NETO1: variants seen among roughly 807,000 people sequenced by gnomAD.
The protein encoded by NETO1 is neuropilin and tolloid like 1.
In NETO1, 26 loss-of-function variants were observed where a neutral mutation model predicts 61.3. The observed-to-expected ratio is 0.42, with a 90% CI of 0.31 to 0.59. NETO1 has a LOEUF of 0.59. NETO1 is among the 20% of genes least tolerant of loss of function. The pLI, the probability that NETO1 is intolerant of heterozygous loss-of-function variation, is 0.12. For missense variants in NETO1, 531 were observed against 662.8 expected (o/e 0.80, Z 2.18); for synonymous variants, 225 against 225.8 (o/e 1.00, Z 0.03).
rs1465986324 is a variant in NETO1, at chr18:72,830,835, A to C, written c.469+27991T>G. 6.6e-6 allele frequency among the ~76,000 whole-genome samples: 1 copy of C among 152,118 alleles called. No individual in the cohort carries two copies. Among genetic ancestry groups the C allele is most frequent in the Non-Finnish European group, 1.5e-5 (1 of 68,022 alleles). On this transcript the variant is annotated intron_variant, in intron 4 of 10. Coordinates refer to ENST00000327305, the MANE Select transcript of NETO1 (RefSeq NM_138966.5). This position sits in a 1 kb window ranked among gnomAD's most constrained non-coding sequence, Gnocchi z 4.9. ...AAAGGTTTCCGAAAGATTATGCTACACTTATGGGTTCCAGTTGTTCACTTT... is the reference window on the plus strand; with the variant it reads ...AAAGGTTTCCGAAAGATTATGCTACCCTTATGGGTTCCAGTTGTTCACTTT...
intron 8 of NETO1, 120 bp downstream of exon 8, chr18:72,755,914 C>T (rs187891647): frequency 1.1e-4 from 65 of 565,402 alleles, no homozygotes; most frequent in African/African-American, 1.7e-4. Context: ...AAGACATATG[C>T]GGTGGTCATA....
intron 4 of NETO1, among the ~76,000 whole-genome samples, chr18:72,849,663 G>A (rs1599151299): frequency 6.6e-6 from 1 of 152,010 alleles, no homozygotes; most frequent in East Asian, 1.9e-4. Flanking sequence ...TCAAGTATTT[G>A]TTTCTTATTT....
chr18:72,784,686 C>T (rs1188464829), intron 6 of NETO1, among the ~76,000 whole-genome samples: 1 of 151,486 alleles, frequency 6.6e-6, no homozygotes, highest in African/African-American at 2.5e-5. Flanking sequence ...AATTCTTTCA[C>T]AACATTATGC....
At chr18:72,833,316 A>G (rs2073640021) in intron 4 of NETO1, among the ~76,000 whole-genome samples, 1 of 152,162 alleles carries the variant, frequency 6.6e-6, no homozygotes, top group Non-Finnish European at 1.5e-5. Context: ...CTGTACTTGA[A>G]TGCTAATATT....
chr18:72,829,010 T>G (rs536485565), intron 4 of NETO1, among the ~76,000 whole-genome samples: 4 of 152,076 alleles, frequency 2.6e-5, no homozygotes, highest in Non-Finnish European at 5.9e-5. Flanking sequence ...CTTAACAGTC[T>G]CAAATGCAAG....
chr18:72,750,417 A>G lies in NETO1; in HGVS notation c.1186T>C (p.Cys396Arg). Residue 396 changes from cysteine to arginine, a missense_variant, in exon 9 of 11, where the codon TGC becomes CGC. Transcript: ENST00000327305. The part of the protein sequence containing the change: ...EVFEPPHYEL[C>R]TLRGTGATAD... ...GTAGCTCCTGTCCCTCTGAGAGTGC[A>G]TAACTCATAATGAGGAGGTTCAAAT... 6.2e-7 allele frequency: 1 copy of G among 1,614,150 alleles called. No individual in the cohort carries two copies. Among genetic ancestry groups the G allele is most frequent in the Non-Finnish European group, 8.5e-7 (1 of 1,180,006 alleles).
intron 3 of NETO1, among the ~76,000 whole-genome samples, chr18:72,862,936 A>G (rs114840481): frequency 0.02 from 3,094 of 151,906 alleles, 119 homozygotes; most frequent in African/African-American, 0.072. Context: ...TTTCTTAAAT[A>G]CCTCTCAGTT....
chr18:72,748,044 T>A lies in NETO1; in HGVS notation c.*135A>T, dbSNP rs1291211063. ...GATGTCTTGCCGAAGGAATAACAAA[T>A]GTCTGTAATTCTTAAGTTTGGATAA... is the stretch of plus-strand genomic sequence containing the variant. On this transcript the variant is annotated 3_prime_UTR_variant, in exon 11 of 11. Transcript: ENST00000327305. The A allele has an allele frequency of 1.4e-6, 1 of 702,636 alleles. No individual in the cohort carries two copies. Among genetic ancestry groups the A allele is most frequent in the Non-Finnish European group, 1.7e-6 (1 of 571,652 alleles). 43.5% of individuals were successfully genotyped at this position (702,636 alleles called of 1,614,324 possible).
intron 4 of NETO1, among the ~76,000 whole-genome samples, chr18:72,832,149 A>G (rs1198267493): frequency 6.6e-6 from 1 of 152,210 alleles, no homozygotes; most frequent in Non-Finnish European, 1.5e-5. Context: ...ATTGGATGAT[A>G]TATTCAGAAT....
At chr18:72,818,527 T>C (rs933624544) in intron 4 of NETO1, among the ~76,000 whole-genome samples, 6 of 152,214 alleles carry the variant, frequency 3.9e-5, no homozygotes, top group African/African-American at 9.6e-5. Flanking sequence ...AATTTTCATA[T>C]GTGATTTCAT....
In NETO1 at chr18:72,790,753, G is replaced by A. The variant is rs371704517; in HGVS notation, c.639+3364C>T. Among the ~76,000 whole-genome samples the A allele has an allele frequency of 1.0e-3, 155 of 152,158 alleles. 1 individual carries two copies. Among genetic ancestry groups the A allele is most frequent in the African/African-American group, 3.4e-3 (143 of 41,530 alleles). On this transcript the variant is annotated intron_variant, in intron 6 of 10. Coordinates refer to ENST00000327305, the MANE Select transcript of NETO1 (RefSeq NM_138966.5). ...ATTAAGTCTTAATCCTGTTTCATGT[G>A]ACAGTCCTTCAAATGTTTGAAGATT...
chr18:72,835,829 T>G (rs1031006132), intron 4 of NETO1, among the ~76,000 whole-genome samples: 41 of 152,174 alleles, frequency 2.7e-4, no homozygotes, highest in African/African-American at 9.6e-4. Context: ...TAACTAATGT[T>G]TGGAAAACAC....
intron 4 of NETO1, among the ~76,000 whole-genome samples, chr18:72,842,336 C>T (rs188739937): frequency 2.6e-5 from 4 of 152,092 alleles, no homozygotes; most frequent in Non-Finnish European, 4.4e-5. Context: ...ATTATTGTTA[C>T]GAGTTTCGAA....
intron 6 of NETO1, among the ~76,000 whole-genome samples, chr18:72,792,700 T>C (rs2072164531): frequency 1.3e-5 from 2 of 152,116 alleles, no homozygotes; most frequent in South Asian, 4.1e-4. Flanking sequence ...TTTTTCCGTA[T>C]GTCGCTGAAG....
In NETO1 at chr18:72,857,900, A is replaced by G. The variant is rs567813903; in HGVS notation, c.469+926T>C. Among the ~76,000 whole-genome samples, 6 of 152,304 alleles carry G rather than the reference A, an allele frequency of 3.9e-5. No individual in the cohort carries two copies. The South Asian group carries it at 1.2e-3, about 32-fold the overall frequency. On this transcript the variant is annotated intron_variant, in intron 4 of 10. Coordinates refer to ENST00000327305, the MANE Select transcript of NETO1 (RefSeq NM_138966.5). ...AGTCATCATTAAACTTATATTAATAATTTTTAAAATTTTAGTTTTTTAACT... is the reference window on the plus strand; with the variant it reads ...AGTCATCATTAAACTTATATTAATAGTTTTTAAAATTTTAGTTTTTTAACT...
chr18:72,768,939 A>C (rs893912544), intron 7 of NETO1, among the ~76,000 whole-genome samples: 1 of 152,228 alleles, frequency 6.6e-6, no homozygotes, highest in Non-Finnish European at 1.5e-5. Flanking sequence ...CTACAGCAGC[A>C]ATGGGAAACT....
chr18:72,819,369 G>A (rs1438438850), intron 4 of NETO1, among the ~76,000 whole-genome samples: 1 of 152,106 alleles, frequency 6.6e-6, no homozygotes, highest in Non-Finnish European at 1.5e-5. Flanking sequence ...TACAAAAAAG[G>A]ATGGGCTTCT....
Position 72,830,549 on chromosome 18 carries a change from C to T in NETO1, c.469+28277G>A, listed in dbSNP as rs768606724. On this transcript the variant is annotated intron_variant, in intron 4 of 10. Coordinates refer to ENST00000327305, the MANE Select transcript of NETO1 (RefSeq NM_138966.5). This position sits in a 1 kb window ranked among gnomAD's most constrained non-coding sequence, Gnocchi z 4.9. ...GGTTGGCTTACAATTCCTCAATGAA[C>T]AGATGTATTACAGAAGACTGCCAGA... is the stretch of plus-strand genomic sequence containing the variant. Among the ~76,000 whole-genome samples, 2 of 152,102 alleles carry T rather than the reference C, an allele frequency of 1.3e-5. No individual in the cohort carries two copies. Among genetic ancestry groups the T allele is most frequent in the African/African-American group, 2.4e-5 (1 of 41,426 alleles).
chr18:72,795,719 T>G (rs568950121), intron 4 of NETO1, among the ~76,000 whole-genome samples: 1 of 152,322 alleles, frequency 6.6e-6, no homozygotes, highest in Non-Finnish European at 1.5e-5. Flanking sequence ...ATAATTCACG[T>G]CTTACCACAT....
Sources: gnomAD v4.1 joint callset for allele counts (sites outside exome capture counted in the v4.1 genomes callset) on GRCh38, gnomAD v4.1.1 for gene constraint, Gnocchi (gnomAD v3.1) non-coding constraint, MANE v1.5 for transcripts, NCBI Gene and HGNC (gene_info 2026-07-23, HGNC 2026-07-21) for gene names.